PPM1H: variants seen among roughly 807,000 people sequenced by gnomAD.
The protein encoded by PPM1H is protein phosphatase 1H.
PPM1H carries 27 observed loss-of-function variants against 54.9 expected under a neutral mutation model. The observed-to-expected ratio is 0.49, with a 90% CI of 0.36 to 0.68. The LOEUF is 0.68. Ranked by LOEUF, PPM1H falls within the 30% of genes least tolerant of loss-of-function variation. The pLI is 0.00. For missense variants in PPM1H, 596 were observed against 667.8 expected (o/e 0.89, Z 1.19); for synonymous variants, 305 against 270.8 (o/e 1.13, Z -1.24).
At chr12:62,767,538 A>C (rs1247828444) in intron 4 of PPM1H, among the ~76,000 whole-genome samples, 1 of 152,210 alleles carries the variant, frequency 6.6e-6, no homozygotes, top group Non-Finnish European at 1.5e-5. Context: ...ACAAGGTCTG[A>C]TTGGCTTGGG....
intron 8 of PPM1H, among the ~76,000 whole-genome samples, chr12:62,689,416 T>C (rs1360946593): frequency 6.6e-6 from 1 of 152,066 alleles, no homozygotes; most frequent in Non-Finnish European, 1.5e-5. Flanking sequence ...TAGGAGTCAG[T>C]TTTTAAGGAA....
At chr12:62,725,538 T>C (rs1254050475) in intron 5 of PPM1H, among the ~76,000 whole-genome samples, 1 of 152,222 alleles carries the variant, frequency 6.6e-6, no homozygotes, top group Admixed American at 6.5e-5. Flanking sequence ...TATTTCTCCA[T>C]GACTGTCCAG....
chr12:62,849,620 G>T (rs542849567), intron 1 of PPM1H, among the ~76,000 whole-genome samples: 4 of 152,240 alleles, frequency 2.6e-5, no homozygotes, highest in East Asian at 3.9e-4. Context: ...GCTAAGAAAA[G>T]TTCAAGTGCC....
rs531411780 is a variant in PPM1H at position 62,664,164 on chromosome 12, G to T, written c.1397+3014C>A. ...AGAAATCAGGATCTTGTGGCCAGAG[G>T]TTCCCTGTGACACAGGGGGACATTT... On this transcript the variant is annotated intron_variant, in intron 9 of 9. Coordinates refer to ENST00000228705, the MANE Select transcript of PPM1H (RefSeq NM_020700.2). Among the ~76,000 whole-genome samples, 4 of 152,208 alleles carry T rather than the reference G, an allele frequency of 2.6e-5. No individual in the cohort carries two copies. In the East Asian group the frequency reaches 7.7e-4, roughly 29 times the overall value.
intron 6 of PPM1H, among the ~76,000 whole-genome samples, chr12:62,698,045 T>C (rs541906945): frequency 6.6e-6 from 1 of 152,276 alleles, no homozygotes; most frequent in East Asian, 1.9e-4. Flanking sequence ...GAAGTTTCCA[T>C]TAAATACTTT....
intron 6 of PPM1H, among the ~76,000 whole-genome samples, chr12:62,698,427 C>T (rs2076125356): frequency 6.6e-6 from 1 of 152,176 alleles, no homozygotes. Context: ...TTAAAGAGAA[C>T]TATCTCAAAG....
At chr12:62,693,868 C>CGGGCTATGT (rs2076097796) in intron 7 of PPM1H, 68 bp downstream of exon 7, 3 of 1,416,692 alleles carry the variant, frequency 2.1e-6, no homozygotes, top group Non-Finnish European at 3.0e-6. Context: ...CGGACTGCCA[C>CGGGCTATGT]GGGCTATGTG....
At chr12:62,681,843 G>A (rs2076020487) in intron 8 of PPM1H, among the ~76,000 whole-genome samples, 1 of 152,188 alleles carries the variant, frequency 6.6e-6, no homozygotes, top group South Asian at 2.1e-4. Context: ...AAGAACCACT[G>A]AAATTTTGTG....
In PPM1H at chr12:62,801,921, C is replaced by T. The variant is rs770470176; in HGVS notation, c.651G>A (p.Gly217=). 2.1e-5 allele frequency: 34 copies of T among 1,613,138 alleles called. No homozygotes were observed. The East Asian group carries it at 6.2e-4, about 30-fold the overall frequency. ...GGGGCGTGCTGGGGGAGCCCGGGGC[C>T]CCCACCCCTCCGCGCAGGGAGGCTG... The part of the protein sequence containing the change: ...TRAASLRGGV[G]APGSPSTPPT... Residue 217 remains glycine (G), a synonymous_variant, in exon 3 of 10, where the codon GGG becomes GGA. Coordinates refer to ENST00000228705, the MANE Select transcript of PPM1H (RefSeq NM_020700.2).
At chr12:62,781,603 T>C (rs2076643122) in intron 4 of PPM1H, among the ~76,000 whole-genome samples, 1 of 152,230 alleles carries the variant, frequency 6.6e-6, no homozygotes, top group Non-Finnish European at 1.5e-5. Context: ...AAACACAGAC[T>C]GCTGGGTCCA....
At chr12:62,848,678 T>C (rs1869065648) in intron 1 of PPM1H, among the ~76,000 whole-genome samples, 1 of 152,140 alleles carries the variant, frequency 6.6e-6, no homozygotes, top group South Asian at 2.1e-4. Context: ...ATCATGGTCG[T>C]TTTAATTTCA....
intron 9 of PPM1H, among the ~76,000 whole-genome samples, chr12:62,657,475 C>G (rs2075851444): frequency 6.6e-6 from 1 of 152,136 alleles, no homozygotes. Context: ...CAGCCAGGAC[C>G]TCAGGCTGAT....
chr12:62,831,078 C>A (rs61922300), intron 2 of PPM1H, among the ~76,000 whole-genome samples: 1 of 152,148 alleles, frequency 6.6e-6, no homozygotes, highest in African/African-American at 2.4e-5. Flanking sequence ...TGGTCTGGAT[C>A]TCCTGACCTC....
At chr12:62,812,192 C>A (rs549766927) in intron 2 of PPM1H, among the ~76,000 whole-genome samples, 1 of 152,166 alleles carries the variant, frequency 6.6e-6, no homozygotes. Context: ...TAATTGCATA[C>A]GTGTCTGATT....
chr12:62,697,308 C>T (rs944650069), intron 6 of PPM1H, among the ~76,000 whole-genome samples: 2 of 151,972 alleles, frequency 1.3e-5, no homozygotes, highest in African/African-American at 4.8e-5. Flanking sequence ...TGTAGAGATA[C>T]GGTTTCACCA....
At chr12:62,923,965 CTG>C (rs1433459266) in intron 1 of PPM1H, among the ~76,000 whole-genome samples, 4 of 151,986 alleles carry the variant, frequency 2.6e-5, no homozygotes, top group East Asian at 1.9e-4. Flanking sequence ...GATTTAAAAA[CTG>C]TTGTTTTGCT....
chr12:62,646,230 G>C lies in PPM1H; in HGVS notation c.*2259C>G, dbSNP rs1272153378. 2.0e-5 allele frequency: 3 copies of C among 152,184 alleles called. No homozygotes were observed. Among genetic ancestry groups the C allele is most frequent in the Non-Finnish European group, 4.4e-5 (3 of 68,026 alleles). The allele number at this position is 152,184 out of a possible 1,614,324, so 9.4% of individuals were successfully genotyped here. On this transcript the variant is annotated 3_prime_UTR_variant, in exon 10 of 10. Coordinates refer to ENST00000228705, the MANE Select transcript of PPM1H (RefSeq NM_020700.2). The stretch of plus-strand genomic sequence containing the variant: ...AGATTTTATAATATTTCGATTTAGA[G>C]GTTTCTAGAGTTATTCCTGAGACGT...
intron 5 of PPM1H, among the ~76,000 whole-genome samples, chr12:62,732,211 GCCTGCTCAATTAATCAC>G (rs1383083157): frequency 6.6e-6 from 1 of 152,044 alleles, no homozygotes; most frequent in Admixed American, 6.5e-5. Flanking sequence ...AAACCCTCAA[GCCTGCTCAATTAATCAC>G]CCTGCCTGAG....
chr12:62,848,322 A>G (rs1039670048), intron 1 of PPM1H, among the ~76,000 whole-genome samples: 2 of 152,232 alleles, frequency 1.3e-5, no homozygotes, highest in African/African-American at 4.8e-5. Flanking sequence ...AACTTGATAT[A>G]TGAATTAACC....
Sources: allele counts gnomAD v4.1 joint callset (sites outside exome capture counted in the v4.1 genomes callset), GRCh38; gene constraint gnomAD v4.1.1; transcripts MANE v1.5; gene names NCBI Gene and HGNC (gene_info 2026-07-23, HGNC 2026-07-21).